The following PCDH11X variants were observed in gnomAD, a reference collection of about 807,000 sequenced individuals.
PCDH11X encodes the protein protocadherin-11 X-linked.
A neutral mutation model predicts 53.3 loss-of-function variants in PCDH11X; 18 were observed. That is an observed-to-expected ratio of 0.34 (90% CI 0.23 to 0.50). The LOEUF (loss-of-function observed/expected upper bound fraction) is 0.50, where lower values mean the gene tolerates loss of function less well. PCDH11X is among the 20% of genes least tolerant of loss of function. The pLI is 0.98. For synonymous variants in PCDH11X, 279 were observed against 393.3 expected (o/e 0.71, Z 3.44); for missense variants, 570 against 1,032.4 (o/e 0.55, Z 6.14).
At chrX:92,536,944 A>G (rs1259422911) in intron 10 of PCDH11X, among the ~76,000 whole-genome samples, 2 of 111,199 alleles carry the variant, frequency 1.8e-5, no homozygotes, top group African/African-American at 3.3e-5. Flanking sequence ...CTTATTATCA[A>G]TTATGTTGAA....
At chrX:92,495,978 G>A (rs1192532260) in intron 10 of PCDH11X, among the ~76,000 whole-genome samples, 2 of 101,242 alleles carry the variant, frequency 2.0e-5, no homozygotes, top group Non-Finnish European at 1.9e-5. Flanking sequence ...TATCAACCAC[G>A]ATCAAAATAC....
At chrX:92,413,788 T>C (rs975491272) in intron 9 of PCDH11X, among the ~76,000 whole-genome samples, 5 of 107,981 alleles carry the variant, frequency 4.6e-5, no homozygotes, top group Non-Finnish European at 9.6e-5. Flanking sequence ...ACATATTCAG[T>C]AAGCTATAGG....
chrX:92,117,932 C>G (rs566080687), intron 6 of PCDH11X, among the ~76,000 whole-genome samples: 1 of 112,210 alleles, frequency 8.9e-6, no homozygotes, highest in East Asian at 2.8e-4. Flanking sequence ...ACAGGTTCAC[C>G]TTTGCATATT....
intron 9 of PCDH11X, among the ~76,000 whole-genome samples, chrX:92,412,076 GGAGGAGGAA>G (rs1433093821): frequency 2.4e-5 from 2 of 82,149 alleles, no homozygotes; most frequent in African/African-American, 1.3e-4. Context: ...AAGAGGAGGA[GGAGGAGGAA>G]GAAGAAGAAG....
intron 7 of PCDH11X, 145 bp downstream of exon 7, chrX:92,201,600 G>T (rs1299823985): frequency 2.1e-5 from 8 of 376,519 alleles, no homozygotes; most frequent in Admixed American, 6.0e-5. Flanking sequence ...AAAATTTACT[G>T]TTGAAAATAT....
In PCDH11X at chrX:92,117,691, T is replaced by C. The variant is rs1401946603; in HGVS notation, c.3034-83684T>C. On this transcript the variant is annotated intron_variant, in intron 6 of 10. Coordinates refer to ENST00000682573, the MANE Select transcript of PCDH11X (RefSeq NM_032968.5). The stretch of plus-strand genomic sequence containing the variant: ...TAAATACAGGAAGGAAAAAAATGCT[T>C]CAGAAGCACATTTGAAGAGAGCTAT... Among the ~76,000 whole-genome samples, 4 of 111,588 alleles carry C rather than the reference T, an allele frequency of 3.6e-5. No individual in the cohort carries two copies. The Admixed American group carries it at 3.8e-4, about 11-fold the overall frequency.
At position 92,178,126 on chromosome X, in the gene PCDH11X, AC is replaced by A. The variant is rs1460298129; in HGVS notation, c.3034-23248del. Among the ~76,000 whole-genome samples the A allele has an allele frequency of 7.2e-5, 8 of 111,429 alleles. No individual in the cohort carries two copies. In the South Asian group the frequency reaches 2.6e-3, roughly 36 times the overall value. ...CCAGTACAGAAACTAAAACATTTTA[AC>A]AAAAATAATTGGAAATCTATTTCAC... On this transcript the variant is annotated intron_variant, in intron 6 of 10. Coordinates refer to ENST00000682573, the MANE Select transcript of PCDH11X (RefSeq NM_032968.5).
intron 9 of PCDH11X, among the ~76,000 whole-genome samples, chrX:92,391,354 T>C (rs1262178083): frequency 9.1e-6 from 1 of 109,401 alleles, no homozygotes; most frequent in Admixed American, 9.9e-5. Flanking sequence ...TGGAGACACA[T>C]GTGGCCCTGG....
At chrX:92,266,448 AGATTT>A (rs1394201960) in intron 8 of PCDH11X, among the ~76,000 whole-genome samples, 1 of 112,239 alleles carries the variant, frequency 8.9e-6, no homozygotes, top group Non-Finnish European at 1.9e-5. Context: ...TGATTTCTCT[AGATTT>A]AAGTGTAAAT....
At chrX:92,382,808 A>G (rs1351455013) in intron 8 of PCDH11X, among the ~76,000 whole-genome samples, 3 of 105,105 alleles carry the variant, frequency 2.9e-5, no homozygotes, top group Non-Finnish European at 5.9e-5. Context: ...TGTTCCAGTC[A>G]ATAGATTTGT....
In PCDH11X at chrX:91,945,446, AT is replaced by A. The variant is rs1304056839; in HGVS notation, c.3033+66178del. ...ACTTAACCCTAAATGAAATTCCTAA[AT>A]TTTTAGGGCCTCTTTTATCCCAAAA... On this transcript the variant is annotated intron_variant, in intron 6 of 10. Coordinates refer to ENST00000682573, the MANE Select transcript of PCDH11X (RefSeq NM_032968.5). Among the ~76,000 whole-genome samples the A allele has an allele frequency of 2.6e-4, 26 of 101,722 alleles. No homozygotes were observed. In the East Asian group the frequency reaches 8.2e-3, roughly 32 times the overall value. The allele number at this position is 101,722 out of a possible 115,157, so 88.3% of individuals were successfully genotyped here.
chrX:92,383,898 C>T (rs2070950880), intron 8 of PCDH11X, among the ~76,000 whole-genome samples: 1 of 111,810 alleles, frequency 8.9e-6, no homozygotes, highest in African/African-American at 3.3e-5. Flanking sequence ...GAGGAATCGC[C>T]ACACTGTCTT....
chrX:92,340,713 C>T (rs1361375287), intron 8 of PCDH11X, among the ~76,000 whole-genome samples: 1 of 112,155 alleles, frequency 8.9e-6, no homozygotes, highest in Admixed American at 9.4e-5. Flanking sequence ...CATTCTTTCC[C>T]CCTAGGCCTC....
intron 8 of PCDH11X, among the ~76,000 whole-genome samples, chrX:92,353,870 G>A (rs1310538358): frequency 9.3e-6 from 1 of 107,887 alleles, no homozygotes; most frequent in East Asian, 2.9e-4. Context: ...TTTTAACACG[G>A]TATTAAACAT....
At chrX:92,587,442 A>G (rs1229739126) in intron 10 of PCDH11X, among the ~76,000 whole-genome samples, 1 of 110,408 alleles carries the variant, frequency 9.1e-6, no homozygotes, top group Non-Finnish European at 1.9e-5. Context: ...TATTACTTAA[A>G]ACATATTCTA....
chrX:92,445,727 A>C (rs1233110176), intron 9 of PCDH11X, among the ~76,000 whole-genome samples: 4 of 109,199 alleles, frequency 3.7e-5, no homozygotes, highest in Non-Finnish European at 7.6e-5. Context: ...TATAGGAGAG[A>C]ATGTTGAATT....
At chrX:92,385,029 G>C (rs1444213640) in intron 8 of PCDH11X, among the ~76,000 whole-genome samples, 4 of 101,406 alleles carry the variant, frequency 3.9e-5, no homozygotes, top group African/African-American at 7.2e-5. Context: ...GAGTTGGCTA[G>C]GTTAGATACC....
chrX:91,996,093 A>G (rs1259633174), intron 6 of PCDH11X, among the ~76,000 whole-genome samples: 1 of 99,866 alleles, frequency 1.0e-5, no homozygotes, highest in Admixed American at 1.1e-4. Context: ...CGCCCGCCTT[A>G]GCCTCCCAAA....
chrX:92,542,892 T>C (rs1380005739), intron 10 of PCDH11X, among the ~76,000 whole-genome samples: 1 of 111,753 alleles, frequency 8.9e-6, no homozygotes, highest in Non-Finnish European at 1.9e-5. Flanking sequence ...TTGAGAGCCA[T>C]CTTTCTAGAT....
Sources: gnomAD v4.1 joint callset for allele counts (sites outside exome capture counted in the v4.1 genomes callset) on GRCh38, gnomAD v4.1.1 for gene constraint, MANE v1.5 for transcripts, NCBI Gene and HGNC (gene_info 2026-07-23, HGNC 2026-07-21) for gene names.